KALRN: variants seen among roughly 807,000 people sequenced by gnomAD.
KALRN encodes kalirin RhoGEF kinase, also known as kalirin.
Under a neutral mutation model 353.7 loss-of-function variants are expected in KALRN, and 70 were observed. The observed-to-expected ratio is 0.20, with a 90% CI of 0.16 to 0.24. The LOEUF is 0.24. KALRN is among the 10% of genes least tolerant of loss of function. The probability of loss-of-function intolerance (pLI) is 1.00; values close to 1 mark genes in which losing one functional copy is unlikely to be tolerated. For missense variants in KALRN, 2,791 were observed against 3,756.7 expected (o/e 0.74, Z 6.72); for synonymous variants, 1,391 against 1,434.8 (o/e 0.97, Z 0.69).
intron 3 of KALRN, among the ~76,000 whole-genome samples, chr3:124,235,633 G>T (rs977747304): frequency 6.6e-6 from 1 of 152,262 alleles, no homozygotes; most frequent in Middle Eastern, 3.4e-3. Flanking sequence ...CAGGGGATGT[G>T]TGTGGTTCAC....
intron 1 of KALRN, among the ~76,000 whole-genome samples, chr3:124,147,800 C>T (rs1332956211): frequency 6.6e-6 from 1 of 152,184 alleles, no homozygotes; most frequent in Non-Finnish European, 1.5e-5. Flanking sequence ...TCCAGAAATT[C>T]TAAGGGACTG....
intron 34 of KALRN, among the ~76,000 whole-genome samples, chr3:124,576,782 C>T (rs574340929): frequency 7.9e-5 from 12 of 152,274 alleles, no homozygotes; most frequent in African/African-American, 2.6e-4. Flanking sequence ...GGGAAGGTGG[C>T]GTTGGCAGAA....
At chr3:124,092,626 C>T (rs1042254483) in intron 1 of KALRN, among the ~76,000 whole-genome samples, 1 of 152,200 alleles carries the variant, frequency 6.6e-6, no homozygotes, top group Non-Finnish European at 1.5e-5. Context: ...GTGAGGGCTC[C>T]CGTATCTCAG....
intron 10 of KALRN, among the ~76,000 whole-genome samples, chr3:124,358,273 G>C (rs2083637835): frequency 6.6e-6 from 1 of 152,126 alleles, no homozygotes; most frequent in Non-Finnish European, 1.5e-5. Flanking sequence ...CATTTTCCCA[G>C]CCCCACTAAT....
At chr3:124,181,138 C>T (rs1325840968) in intron 1 of KALRN, among the ~76,000 whole-genome samples, 3 of 146,890 alleles carry the variant, frequency 2.0e-5, no homozygotes, top group African/African-American at 7.5e-5. Context: ...GTAATCCTAG[C>T]TACTCGGGAG....
rs554446940 is a variant in KALRN, at chr3:124,395,402, C to T, written c.2171+59C>T. 5.4e-5 allele frequency: 77 copies of T among 1,416,196 alleles called. No homozygotes were observed. The South Asian group carries it at 9.1e-4, about 17-fold the overall frequency. The allele number at this position is 1,416,196 out of a possible 1,614,324, so 87.7% of individuals were successfully genotyped here. On this transcript the variant is annotated intron_variant, in intron 12 of 59. Coordinates refer to ENST00000682506, the MANE Select transcript of KALRN (RefSeq NM_001388419.1). ...CCTCGGGCTAGACGTGAGATAAGTC[C>T]TGTCCCAGTCTTGACTCAGCAAAAT...
chr3:124,131,654 A>G (rs1441308224), intron 1 of KALRN, among the ~76,000 whole-genome samples: 15 of 152,194 alleles, frequency 9.9e-5, no homozygotes, highest in Admixed American at 7.9e-4. Context: ...CAGCTGTGAC[A>G]TCAGGGTGTA....
intron 10 of KALRN, among the ~76,000 whole-genome samples, chr3:124,351,666 CTT>C (rs1324383758): frequency 6.6e-6 from 1 of 152,212 alleles, no homozygotes; most frequent in Non-Finnish European, 1.5e-5. Context: ...ATCTGTGATT[CTT>C]ACCAGTGGTC....
intron 33 of KALRN, among the ~76,000 whole-genome samples, chr3:124,551,726 G>A (rs372040808): frequency 1.3e-5 from 2 of 152,172 alleles, no homozygotes; most frequent in Non-Finnish European, 2.9e-5. Context: ...CCAACCCTGG[G>A]CCAGCATCCC....
intron 1 of KALRN, among the ~76,000 whole-genome samples, chr3:124,046,969 C>T (rs1402019358): frequency 1.4e-5 from 2 of 146,812 alleles, no homozygotes; most frequent in African/African-American, 5.0e-5. Context: ...AAACACTGTG[C>T]TAAGGAAATG....
chr3:124,458,275 C>CA (rs35854921), intron 23 of KALRN, among the ~76,000 whole-genome samples: 35,051 of 83,050 alleles, frequency 0.42, 7,861 homozygotes, highest in Non-Finnish European at 0.48. Flanking sequence ...GACTCTGTCT[C>CA]AAAAAAAAAA....
rs774623456 is a variant in KALRN at position 124,329,900 on chromosome 3, G to A, written c.1324G>A (p.Glu442Lys). Residue 442 changes from glutamate (E) to lysine (K), a missense_variant, in exon 8 of 60, where the codon GAA becomes AAA. Around this residue, in one of 11 missense-constraint regions of KALRN, gnomAD observed 366 missense variants for 489.2 expected, o/e 0.75. Transcript: ENST00000682506. Reference protein sequence around the residue: ...GVDAWCKMCSEGGLPSEMQDL... With the variant: ...GVDAWCKMCSKGGLPSEMQDL... ...GGATGCCTGGTGCAAGATGTGCAGTGAAGGTGGTCTGCCATCCGAGATGCA... is the reference window on the plus strand; with the variant it reads ...GGATGCCTGGTGCAAGATGTGCAGTAAAGGTGGTCTGCCATCCGAGATGCA... 6.2e-7 allele frequency: 1 copy of A among 1,613,878 alleles called. No homozygotes were observed. The highest frequency in any genetic ancestry group is 1.1e-5 in the South Asian group (1 of 91,054).
chr3:124,138,277 G>T (rs1301323654), intron 1 of KALRN, among the ~76,000 whole-genome samples: 1 of 152,120 alleles, frequency 6.6e-6, no homozygotes, highest in African/African-American at 2.4e-5. Flanking sequence ...GCATGTCTTT[G>T]GAGAGACCTA....
intron 6 of KALRN, among the ~76,000 whole-genome samples, chr3:124,319,245 C>G (rs1213123955): frequency 6.6e-6 from 1 of 151,728 alleles, no homozygotes; most frequent in Non-Finnish European, 1.5e-5. Flanking sequence ...AAGACAGGAT[C>G]GCTTGAGCCC....
At chr3:124,702,822 A>G (rs1386825385) in intron 57 of KALRN, among the ~76,000 whole-genome samples, 1 of 152,190 alleles carries the variant, frequency 6.6e-6, no homozygotes, top group Non-Finnish European at 1.5e-5. Context: ...TCTCACTTGC[A>G]GTATTTTGGT....
At chr3:124,701,448 C>T (rs542901469) in intron 56 of KALRN, among the ~76,000 whole-genome samples, 86 of 137,246 alleles carry the variant, frequency 6.3e-4, no homozygotes, top group African/African-American at 1.9e-3. Context: ...AGTGCAGTGG[C>T]GCGATCATAG....
intron 1 of KALRN, among the ~76,000 whole-genome samples, chr3:124,159,675 G>A (rs770878220): frequency 1.3e-5 from 2 of 151,690 alleles, no homozygotes; most frequent in South Asian, 2.1e-4. Context: ...TTTCTCTGAT[G>A]CGTAATACCT....
intron 5 of KALRN, among the ~76,000 whole-genome samples, chr3:124,276,118 C>T (rs1220897022): frequency 6.6e-6 from 1 of 152,144 alleles, no homozygotes; most frequent in Non-Finnish European, 1.5e-5. Flanking sequence ...AACTTGGGGC[C>T]AGAAATACTT....
intron 15 of KALRN, among the ~76,000 whole-genome samples, chr3:124,430,334 C>T (rs1039533404): frequency 6.6e-6 from 1 of 152,134 alleles, no homozygotes; most frequent in Admixed American, 6.5e-5. Context: ...TTTATACCAT[C>T]CTATGTTCCA....
Sources: gnomAD v4.1 joint callset for allele counts (sites outside exome capture counted in the v4.1 genomes callset) on GRCh38, gnomAD v4.1.1 for gene constraint, gnomAD v4.1.1 regional missense constraint, MANE v1.5 for transcripts, NCBI Gene and HGNC (gene_info 2026-07-23, HGNC 2026-07-21) for gene names.